Variants in STPG4 observed in about 807,000 individuals in gnomAD.
The protein encoded by STPG4 is sperm-tail PG-rich repeat containing 4, also known as protein STPG4.
Under a neutral mutation model 31.5 loss-of-function variants are expected in STPG4, and 41 were observed. The observed-to-expected ratio is 1.30, with a 90% confidence interval of 1.01 to 1.69. The LOEUF (loss-of-function observed/expected upper bound fraction) is 1.69. Ranked by LOEUF, STPG4 falls within the 40% of genes most tolerant of loss-of-function variation. STPG4 has a pLI of 0.00. For synonymous variants in STPG4, 141 were observed against 103.0 expected, an observed-to-expected ratio of 1.37 and a Z score of -2.24; for missense variants, 375 against 293.4, an observed-to-expected ratio of 1.28 and a Z score of -2.03.
At chr2:47,113,419 C>T (rs2103757586) in intron 5 of STPG4, among the ~76,000 whole-genome samples, 1 of 152,154 alleles carries the variant, frequency 6.6e-6, no homozygotes, top group Non-Finnish European at 1.5e-5. Flanking sequence ...AGACCATAAC[C>T]AGAAAGTGTA....
intron 3 of STPG4, among the ~76,000 whole-genome samples, chr2:47,146,414 TAGAC>T: frequency 6.6e-6 from 1 of 152,142 alleles, no homozygotes; most frequent in East Asian, 1.9e-4. Context: ...AAACCAGGAT[TAGAC>T]ATACAGATGT....
At chr2:47,098,234 C>T (rs527410350) in intron 5 of STPG4, among the ~76,000 whole-genome samples, 5 of 152,240 alleles carry the variant, frequency 3.3e-5, no homozygotes, top group African/African-American at 7.2e-5. Flanking sequence ...TTCACTGCTG[C>T]GCACTGACAG....
At chr2:47,123,722 A>G (rs1325972943) in intron 5 of STPG4, among the ~76,000 whole-genome samples, 2 of 152,212 alleles carry the variant, frequency 1.3e-5, no homozygotes, top group Admixed American at 1.3e-4. Context: ...CAATTGCATT[A>G]GTCATTCAGA....
At chr2:47,114,690 C>T (rs953569531) in intron 5 of STPG4, among the ~76,000 whole-genome samples, 1 of 152,146 alleles carries the variant, frequency 6.6e-6, no homozygotes, top group East Asian at 1.9e-4. Flanking sequence ...TCAAATATCC[C>T]TTCCTGCAGA....
intron 3 of STPG4, among the ~76,000 whole-genome samples, chr2:47,138,219 A>C (rs1221742866): frequency 6.6e-6 from 1 of 152,094 alleles, no homozygotes; most frequent in Non-Finnish European, 1.5e-5. Flanking sequence ...CTCTTCAGAC[A>C]TTTTTCTAAC....
intron 6 of STPG4, 37 bp downstream of exon 6, chr2:47,090,233 T>C (rs1685541257): frequency 2.1e-6 from 3 of 1,423,502 alleles, no homozygotes; most frequent in South Asian, 2.5e-5. Flanking sequence ...ACCATACCCC[T>C]AGGGGTGGGG....
chr2:47,117,914 A>G (rs1486972458), intron 5 of STPG4, among the ~76,000 whole-genome samples: 2 of 89,240 alleles, frequency 2.2e-5, no homozygotes, highest in African/African-American at 5.3e-5. Context: ...AGATAGTACA[A>G]CATATATATA....
At chr2:47,092,942 G>A (rs1685601094) in intron 5 of STPG4, among the ~76,000 whole-genome samples, 1 of 152,100 alleles carries the variant, frequency 6.6e-6, no homozygotes, top group African/African-American at 2.4e-5. Context: ...ACAGGTGCGT[G>A]CCACCAAGCC....
At chr2:47,152,400 G>C (rs1260691131) in intron 2 of STPG4, among the ~76,000 whole-genome samples, 4 of 152,174 alleles carry the variant, frequency 2.6e-5, no homozygotes, top group Non-Finnish European at 5.9e-5. Flanking sequence ...TGAGCACTCA[G>C]CTCAGTTCTG....
At chr2:47,097,399 G>T (rs767727693) in intron 5 of STPG4, among the ~76,000 whole-genome samples, 3 of 152,090 alleles carry the variant, frequency 2.0e-5, no homozygotes, top group East Asian at 1.9e-4. Context: ...CCCAAAATTC[G>T]TATGTTGGAA....
At position 47,137,112 on chromosome 2, in the gene STPG4, C is replaced by T. The variant is rs552251363; in HGVS notation, c.400-6852G>A. Among the ~76,000 whole-genome samples, 9 of 152,236 alleles carry T rather than the reference C, an allele frequency of 5.9e-5. No individual in the cohort carries two copies. The East Asian group carries it at 1.7e-3, about 29-fold the overall frequency. ...TAGTTTCTCACCATTAAGTATGATG[C>T]TAGCTGTAGGTTTTTTGTAGATACT... On this transcript the variant is annotated intron_variant, in intron 3 of 6. Coordinates refer to ENST00000445927, the MANE Select transcript of STPG4 (RefSeq NM_001163561.2).
chr2:47,103,653 A>C (rs1685845431), intron 5 of STPG4, among the ~76,000 whole-genome samples: 1 of 151,928 alleles, frequency 6.6e-6, no homozygotes, highest in Admixed American at 6.5e-5. Flanking sequence ...CCAATGAGAA[A>C]CAAACTGCCC....
chr2:47,102,992 G>C (rs546143553), intron 5 of STPG4, among the ~76,000 whole-genome samples: 2 of 151,988 alleles, frequency 1.3e-5, no homozygotes, highest in East Asian at 3.9e-4. Flanking sequence ...AAAGAATGCA[G>C]CTTTAGCTGC....
intron 5 of STPG4, among the ~76,000 whole-genome samples, chr2:47,126,071 A>C (rs146871231): frequency 6.6e-6 from 1 of 152,106 alleles, no homozygotes; most frequent in East Asian, 1.9e-4. Context: ...ATTCTGTTCC[A>C]TTGGTCTCTA....
chr2:47,122,746 A>G (rs1227998876), intron 5 of STPG4, among the ~76,000 whole-genome samples: 1 of 152,162 alleles, frequency 6.6e-6, no homozygotes, highest in African/African-American at 2.4e-5. Context: ...TGTAACTACA[A>G]ATAAATTATA....
chr2:47,122,716 G>A (rs986816496), intron 5 of STPG4, among the ~76,000 whole-genome samples: 1 of 151,738 alleles, frequency 6.6e-6, no homozygotes, highest in Non-Finnish European at 1.5e-5. Flanking sequence ...TTGCTATGCG[G>A]TCTTTTTTGA....
intron 5 of STPG4, among the ~76,000 whole-genome samples, chr2:47,092,150 T>C (rs1685580978): frequency 7.8e-6 from 1 of 128,932 alleles, no homozygotes; most frequent in South Asian, 2.6e-4. Flanking sequence ...ATGCATTTTC[T>C]AATTTTTCTA....
At chr2:47,118,865 C>A (rs1052034127) in intron 5 of STPG4, among the ~76,000 whole-genome samples, 2 of 152,240 alleles carry the variant, frequency 1.3e-5, no homozygotes, top group African/African-American at 4.8e-5. Flanking sequence ...AAAGTTAACC[C>A]TACTACATGC....
chr2:47,107,371 G>A lies in STPG4; in HGVS notation c.520-16997C>T, dbSNP rs61580120. ...CATGGGCTTGGTGGGCCCCGCACTC[G>A]GAGCAGCTGGCCGGCCCTGCCGGCC... On this transcript the variant is annotated intron_variant, in intron 5 of 6. Transcript: ENST00000445927. Among the ~76,000 whole-genome samples the A allele has an allele frequency of 4.6e-3, 698 of 152,230 alleles. 7 individuals are homozygous for A. Among genetic ancestry groups the A allele is most frequent in the African/African-American group, 0.016 (654 of 41,488 alleles).
Sources: gnomAD v4.1 joint callset for allele counts (sites outside exome capture counted in the v4.1 genomes callset) on GRCh38, gnomAD v4.1.1 for gene constraint, MANE v1.5 for transcripts, NCBI Gene and HGNC (gene_info 2026-07-23, HGNC 2026-07-21) for gene names.